Variants in UTRN observed in about 807,000 individuals in gnomAD.
UTRN encodes the protein dystrophin-related protein 1.
UTRN carries 283 observed loss-of-function variants against 463.9 expected under a neutral mutation model. The ratio of observed to expected loss-of-function variants is 0.61; its 90% CI spans 0.55 to 0.67. UTRN has a LOEUF of 0.67. Among genes scored for constraint, UTRN ranks in the 30% least tolerant of loss-of-function variants. The pLI is 0.00. For synonymous variants in UTRN, 1,442 were observed against 1,431.5 expected, an observed-to-expected ratio of 1.01 and a Z score of -0.17; for missense variants, 3,922 against 4,084.3, an observed-to-expected ratio of 0.96 and a Z score of 1.08.
intron 51 of UTRN, among the ~76,000 whole-genome samples, chr6:144,652,898 G>A (rs1013370537): frequency 6.6e-6 from 1 of 152,142 alleles, no homozygotes; most frequent in Non-Finnish European, 1.5e-5. Flanking sequence ...ACTTTTAAAG[G>A]CAAAAATAAT....
intron 12 of UTRN, among the ~76,000 whole-genome samples, chr6:144,439,945 T>A (rs1786981994): frequency 6.6e-6 from 1 of 152,236 alleles, no homozygotes; most frequent in Non-Finnish European, 1.5e-5. Context: ...GCATTCTACT[T>A]ATCTCTTTAT....
chr6:144,673,008 ATT>A (rs1781209691), intron 51 of UTRN, among the ~76,000 whole-genome samples: 1 of 152,018 alleles, frequency 6.6e-6, no homozygotes, highest in South Asian at 2.1e-4. Flanking sequence ...TTAATTCACA[ATT>A]TTATTCCATT....
intron 48 of UTRN, among the ~76,000 whole-genome samples, chr6:144,551,723 G>A (rs1273215931): frequency 6.6e-6 from 1 of 152,182 alleles, no homozygotes; most frequent in Non-Finnish European, 1.5e-5. Flanking sequence ...TCTCAAGAGT[G>A]ACACCTAGGG....
chr6:144,385,996 A>G (rs1781385992), intron 2 of UTRN, among the ~76,000 whole-genome samples: 1 of 152,194 alleles, frequency 6.6e-6, no homozygotes, highest in Non-Finnish European at 1.5e-5. Context: ...GGCATGAGCC[A>G]CTGTCCCCGG....
intron 2 of UTRN, among the ~76,000 whole-genome samples, chr6:144,316,723 C>A (rs185945828): frequency 3.1e-4 from 47 of 152,160 alleles, no homozygotes; most frequent in Non-Finnish European, 2.1e-4. Context: ...ATGTGTTGGG[C>A]CTTTCAAATA....
rs768833507 is a variant in UTRN at position 144,633,390 on chromosome 6, C to T, written c.7480-45016C>T. Among the ~76,000 whole-genome samples the T allele has an allele frequency of 1.3e-4, 20 of 152,096 alleles. 1 individual carries two copies. The highest frequency in any genetic ancestry group is 1.5e-5 in the Non-Finnish European group (1 of 68,020). ...GACTACAGGCACCTGCAACCACGCC[C>T]GGCTAATATTTTGTATTTTTTTTAG... On this transcript the variant is annotated intron_variant, in intron 51 of 74. Transcript: ENST00000367545.
At chr6:144,347,837 G>GTATTCTTTGTTTTTTTTTTTTTTTTTT (rs1777718120) in intron 2 of UTRN, among the ~76,000 whole-genome samples, 1 of 128,902 alleles carries the variant, frequency 7.8e-6, no homozygotes, top group African/African-American at 3.4e-5. Context: ...CTTATTCTTT[G>GTATTCTTTGTTTTTTTTTTTTTTTTTT]TTTTTTTTTT....
chr6:144,447,313 C>G lies in UTRN; in HGVS notation c.1717C>G (p.Leu573Val). The change falls in exon 15 of 75, where the codon CTG becomes GTG. Residue 573 changes from leucine (L) to valine (V), a missense_variant. By Grantham distance (32) the Leu-to-Val change is conservative. This residue lies in a region of UTRN where 2,349 missense variants were observed against 2,303.8 expected (regional missense o/e 1.02). Transcript: ENST00000367545. ...GGAACTAAGTGTCAGTGTTCGACGT[C>G]TGGCTGTAAGTGATGGGGTTGTCAG... ...QKELSVSVRR[L>V]AILKEDMEMK... 1 of 1,612,990 alleles carries G rather than the reference C, an allele frequency of 6.2e-7. No homozygotes were observed. The highest frequency in any genetic ancestry group is 8.5e-7 in the Non-Finnish European group (1 of 1,179,324).
intron 51 of UTRN, among the ~76,000 whole-genome samples, chr6:144,652,504 T>G (rs1351756260): frequency 3.7e-4 from 57 of 152,252 alleles, no homozygotes; most frequent in Admixed American, 3.7e-3. Flanking sequence ...GTGGGATCAC[T>G]TAAACCTACT....
At chr6:144,444,557 C>T (rs1787483018) in intron 14 of UTRN, among the ~76,000 whole-genome samples, 175 bp downstream of exon 14, 1 of 152,152 alleles carries the variant, frequency 6.6e-6, no homozygotes, top group Non-Finnish European at 1.5e-5. Context: ...AGCTTATTCA[C>T]AGAGATTGTG....
At chr6:144,356,728 A>C (rs1021538315) in intron 2 of UTRN, among the ~76,000 whole-genome samples, 5 of 152,084 alleles carry the variant, frequency 3.3e-5, no homozygotes, top group Non-Finnish European at 7.4e-5. Context: ...CAGGAGAATC[A>C]CTTGAATCTG....
intron 2 of UTRN, among the ~76,000 whole-genome samples, chr6:144,382,169 A>T (rs1361186499): frequency 6.6e-6 from 1 of 152,182 alleles, no homozygotes; most frequent in African/African-American, 2.4e-5. Context: ...AAGCAATTTC[A>T]CATAAGCTAC....
chr6:144,751,719 G>C, intron 55 of UTRN, 87 bp from the exon 56 acceptor site: 1 of 1,345,736 alleles, frequency 7.4e-7, no homozygotes. Flanking sequence ...AACCCATGCA[G>C]TTCAGACCTA....
At chr6:144,590,553 A>G (rs973304655) in intron 51 of UTRN, among the ~76,000 whole-genome samples, 2 of 152,188 alleles carry the variant, frequency 1.3e-5, no homozygotes, top group Non-Finnish European at 2.9e-5. Flanking sequence ...TTTTTAAAAA[A>G]TTTAATTCAA....
intron 52 of UTRN, among the ~76,000 whole-genome samples, chr6:144,696,568 G>A (rs979103758): frequency 1.3e-5 from 2 of 152,112 alleles, no homozygotes; most frequent in African/African-American, 4.8e-5. Context: ...CTGGGAGTAG[G>A]AACAATCTTT....
chr6:144,400,974 T>G (rs1782889859), intron 2 of UTRN, among the ~76,000 whole-genome samples: 1 of 152,218 alleles, frequency 6.6e-6, no homozygotes, highest in Admixed American at 6.5e-5. Flanking sequence ...CTCATTTCTT[T>G]GCCCACTTTA....
chr6:144,364,284 A>G (rs1779322633), intron 2 of UTRN, among the ~76,000 whole-genome samples: 1 of 152,208 alleles, frequency 6.6e-6, no homozygotes, highest in Non-Finnish European at 1.5e-5. Flanking sequence ...TTTGTTGATT[A>G]GGAACTCAAT....
chr6:144,665,057 G>A (rs1334653798), intron 51 of UTRN, among the ~76,000 whole-genome samples: 3 of 152,156 alleles, frequency 2.0e-5, no homozygotes, highest in Admixed American at 1.3e-4. Flanking sequence ...GGACATGATA[G>A]CGAAATTGTT....
intron 60 of UTRN, among the ~76,000 whole-genome samples, chr6:144,781,624 G>A (rs1028611368): frequency 7.2e-5 from 11 of 152,082 alleles, no homozygotes; most frequent in Admixed American, 6.6e-4. Context: ...AGCAAAAAGA[G>A]CCTGGCAAAG....
Sources: allele counts gnomAD v4.1 joint callset (sites outside exome capture counted in the v4.1 genomes callset), GRCh38; gene constraint gnomAD v4.1.1; regional missense constraint gnomAD v4.1.1; transcripts MANE v1.5; gene names NCBI Gene and HGNC (gene_info 2026-07-23, HGNC 2026-07-21).